The following ABCA3 variants were observed in gnomAD, a reference collection of about 807,000 sequenced individuals.
The protein encoded by ABCA3 is phospholipid-transporting ATPase ABCA3.
A neutral mutation model predicts 172.8 loss-of-function variants in ABCA3; 88 were observed. The ratio of observed to expected loss-of-function variants is 0.51; its 90% confidence interval spans 0.43 to 0.61. The LOEUF (loss-of-function observed/expected upper bound fraction) is 0.61, where lower values mean the gene tolerates loss of function less well. Among genes scored for constraint, ABCA3 ranks in the 20% least tolerant of loss-of-function variants. ABCA3 has a pLI of 0.00. For synonymous variants in ABCA3, 1,066 were observed against 983.8 expected (o/e 1.08, Z -1.56); for missense variants, 2,164 against 2,301.0 (o/e 0.94, Z 1.22).
Position 2,275,942 on chromosome 16 carries a change from G to C in ABCA3, c.*732C>G, listed in dbSNP as rs1305003884. 2 of 196,476 alleles carry C rather than the reference G, an allele frequency of 1.0e-5. No individual in the cohort carries two copies. The highest frequency in any genetic ancestry group is 2.1e-5 in the Non-Finnish European group (2 of 94,914). The allele number at this position is 196,476 out of a possible 1,614,324, so 12.2% of individuals were successfully genotyped here. On this transcript the variant is annotated 3_prime_UTR_variant, in exon 33 of 33. Transcript: ENST00000301732. ...ACGTATTCAATGTGTCCTTGAGACA[G>C]CCACCCAGCCCTTAGGGTGGTCCCT... is the stretch of plus-strand genomic sequence containing the variant.
intron 12 of ABCA3, among the ~76,000 whole-genome samples, chr16:2,302,647 T>A (rs1196466368): frequency 6.6e-6 from 1 of 152,074 alleles, no homozygotes; most frequent in African/African-American, 2.4e-5. Context: ...GCTAATTTTT[T>A]AAATTTTTTA....
intron 10 of ABCA3, among the ~76,000 whole-genome samples, chr16:2,314,575 T>G (rs1432872111): frequency 6.8e-6 from 1 of 147,280 alleles, no homozygotes; most frequent in Non-Finnish European, 1.5e-5. Context: ...GCGGCCACAA[T>G]GGTAATTTTT....
intron 1 of ABCA3, among the ~76,000 whole-genome samples, chr16:2,336,351 T>C (rs1362489410): frequency 2.0e-5 from 3 of 152,086 alleles, no homozygotes; most frequent in Admixed American, 2.0e-4. Context: ...CCCTGCCTCG[T>C]AAGCACAGGG....
rs2093671889 is a variant in ABCA3, at chr16:2,291,453, A to C, written c.2513+687T>G. 3.3e-5 allele frequency among the ~76,000 whole-genome samples: 5 copies of C among 151,942 alleles called. No homozygotes were observed. The South Asian group carries it at 1.0e-3, about 32-fold the overall frequency. On this transcript the variant is annotated intron_variant, in intron 19 of 32. Coordinates refer to ENST00000301732, the MANE Select transcript of ABCA3 (RefSeq NM_001089.3). The stretch of plus-strand genomic sequence containing the variant: ...GCGTGAGCCACCACGCCCAGCCCCC[A>C]TGCAGTTCTGAGGGTCTGGATGAGA...
intron 8 of ABCA3, among the ~76,000 whole-genome samples, chr16:2,319,240 C>T (rs2093721589): frequency 1.3e-5 from 2 of 152,116 alleles, no homozygotes; most frequent in Middle Eastern, 3.2e-3. Flanking sequence ...AATCCCAGCA[C>T]TTCTGGAGGC....
Position 2,283,729 on chromosome 16 carries a change from C to CCACAA in ABCA3, c.3863-372_3863-371insTTGTG. ...CCCACAGGACAGGTCCAAGTTCTGTCCCCCTGGACCTGGGGTTGTGATCTT... is the reference window on the plus strand; with the variant it reads ...CCCACAGGACAGGTCCAAGTTCTGTCCACAACCCCTGGACCTGGGGTTGTGATCTT... On this transcript the variant is annotated intron_variant, in intron 25 of 32. Transcript: ENST00000301732. The surrounding 1 kb of genome is among the most constrained non-coding windows in gnomAD (Gnocchi z 5.4). 1 of 294,330 alleles carries CCACAA rather than the reference C, an allele frequency of 3.4e-6. No homozygotes were observed. Among genetic ancestry groups the CCACAA allele is most frequent in the African/African-American group, 2.2e-5 (1 of 46,436 alleles). 18.2% of individuals were successfully genotyped at this position (294,330 alleles called of 1,614,324 possible). A position where few individuals can be genotyped will look rare whatever the true frequency, so the allele number is the denominator to read the frequency against.
Position 2,283,417 on chromosome 16 carries a change from G to T in ABCA3, c.3863-59C>A. ...CTGGGGCACCCTCCTCCCCTTCCAG[G>T]TTCCCGGCCCCCACTCCCCTCCCCA... On this transcript the variant is annotated intron_variant, in intron 25 of 32. Transcript: ENST00000301732. The surrounding 1 kb of genome is among the most constrained non-coding windows in gnomAD (Gnocchi z 5.4). The T allele has an allele frequency of 5.7e-6, 9 of 1,584,384 alleles. No individual in the cohort carries two copies. The South Asian group carries it at 9.0e-5, about 16-fold the overall frequency.
intron 3 of ABCA3, 79 bp from the exon 4 acceptor site, chr16:2,326,571 C>T (rs2093734799): frequency 2.1e-6 from 3 of 1,432,220 alleles, no homozygotes; most frequent in African/African-American, 1.4e-5. Flanking sequence ...AAGCCATGGA[C>T]CCTTTTTCCT....
At chr16:2,304,398 T>C (rs2093694242) in intron 11 of ABCA3, among the ~76,000 whole-genome samples, 1 of 152,060 alleles carries the variant, frequency 6.6e-6, no homozygotes, top group Non-Finnish European at 1.5e-5. Flanking sequence ...CAGGCTTGCA[T>C]TTAATCTGTG....
At chr16:2,333,521 T>C (rs917625363) in intron 1 of ABCA3, among the ~76,000 whole-genome samples, 40 of 152,154 alleles carry the variant, frequency 2.6e-4, no homozygotes, top group African/African-American at 2.7e-4. Flanking sequence ...TCCGCGTGTA[T>C]GCGCACTGAG....
Position 2,305,509 on chromosome 16 carries a change from A to T in ABCA3, c.1286-1359T>A, listed in dbSNP as rs566461713. Among the ~76,000 whole-genome samples the T allele has an allele frequency of 1.3e-4, 19 of 151,760 alleles. No individual in the cohort carries two copies. The South Asian group carries it at 4.0e-3, about 32-fold the overall frequency. On this transcript the variant is annotated intron_variant, in intron 11 of 32. Coordinates refer to ENST00000301732, the MANE Select transcript of ABCA3 (RefSeq NM_001089.3). The stretch of plus-strand genomic sequence containing the variant: ...ACGGAGTTTCACCATGTTGGCCAGG[A>T]TGGTCTCGATCTCTTGACCCCATGA...
chr16:2,311,261 C>T (rs955249396), intron 10 of ABCA3, among the ~76,000 whole-genome samples: 1 of 151,914 alleles, frequency 6.6e-6, no homozygotes, highest in African/African-American at 2.4e-5. Flanking sequence ...CGTGAGCCAC[C>T]GCGCCCAGCC....
intron 1 of ABCA3, chr16:2,332,503 G>T: frequency 2.1e-6 from 2 of 931,378 alleles, no homozygotes; most frequent in Non-Finnish European, 3.5e-6. Context: ...GGACTGACGG[G>T]TAGCATAAAT....
intron 10 of ABCA3, among the ~76,000 whole-genome samples, chr16:2,309,838 T>A (rs1250160535): frequency 6.6e-6 from 1 of 152,086 alleles, no homozygotes; most frequent in Non-Finnish European, 1.5e-5. Context: ...AGGGCTAGTC[T>A]AAAGCTCCTA....
chr16:2,307,670 ATC>A (rs2093699988), intron 11 of ABCA3, among the ~76,000 whole-genome samples: 3 of 152,022 alleles, frequency 2.0e-5, no homozygotes, highest in African/African-American at 7.2e-5. Flanking sequence ...CAGTGGTGCG[ATC>A]TCAGCTCACT....
chr16:2,327,824 G>A (rs966072078), intron 3 of ABCA3, among the ~76,000 whole-genome samples: 2 of 152,128 alleles, frequency 1.3e-5, no homozygotes, highest in Non-Finnish European at 2.9e-5. Context: ...GGTTTCAAGC[G>A]ATTCCCCTAC....
chr16:2,283,323 C>T lies in ABCA3; in HGVS notation c.3898G>A (p.Ala1300Thr), dbSNP rs761182060. Residue 1300 changes from alanine to threonine, a missense_variant, in exon 26 of 33, where the codon GCC becomes ACC. Physicochemically the swap from Ala to Thr is moderately conservative, Grantham distance 58. This residue lies in a region of ABCA3 where 795 missense variants were observed against 881.9 expected (regional missense o/e 0.90). Transcript: ENST00000301732. This position sits in a 1 kb window ranked among gnomAD's most constrained non-coding sequence, Gnocchi z 5.4. ...GCCACAAACCGGCCGACCCCCGGGG[C>T]GCTCCAGGCATAGAAGTTCTCCTGG... Reference protein sequence around the residue: ...QYQENFYAWSAPGVGRFVASM... With the variant: ...QYQENFYAWSTPGVGRFVASM... 35 of 1,612,996 alleles carry T rather than the reference C, an allele frequency of 2.2e-5. 1 individual carries two copies. The highest frequency in any genetic ancestry group is 3.3e-5 in the South Asian group (3 of 91,074).
Position 2,281,896 on chromosome 16 carries a change from C to T in ABCA3, c.4036-387G>A, listed in dbSNP as rs2093655773. 6.6e-6 allele frequency among the ~76,000 whole-genome samples: 1 copy of T among 151,904 alleles called. No homozygotes were observed. Among genetic ancestry groups the T allele is most frequent in the Non-Finnish European group, 1.5e-5 (1 of 67,996 alleles). On this transcript the variant is annotated intron_variant, in intron 26 of 32. Transcript: ENST00000301732. The surrounding 1 kb of genome is among the most constrained non-coding windows in gnomAD (Gnocchi z 4.7). The stretch of plus-strand genomic sequence containing the variant: ...CTCAGCTCACTGCAAACTCTGCCTC[C>T]CAGGTTCAACTGATTCTCCTGCTTC...
intron 6 of ABCA3, 125 bp downstream of exon 6, chr16:2,324,279 T>C (rs1290931472): frequency 1.2e-5 from 16 of 1,378,552 alleles, no homozygotes; most frequent in Non-Finnish European, 1.6e-5. Flanking sequence ...GTGACTGCTA[T>C]TGACTTGCAG....
Sources: gnomAD v4.1 joint callset for allele counts (sites outside exome capture counted in the v4.1 genomes callset) on GRCh38, gnomAD v4.1.1 for gene constraint, gnomAD v4.1.1 regional missense constraint, Gnocchi (gnomAD v3.1) non-coding constraint, MANE v1.5 for transcripts, NCBI Gene and HGNC (gene_info 2026-07-23, HGNC 2026-07-21) for gene names.